The following MCU variants were observed in gnomAD, a reference collection of about 807,000 sequenced individuals.
MCU encodes the protein mitochondrial calcium uniporter.
Under a neutral mutation model 45.2 loss-of-function variants are expected in MCU, and 12 were observed. The ratio of observed to expected loss-of-function variants is 0.27; its 90% CI spans 0.17 to 0.43. The LOEUF (loss-of-function observed/expected upper bound fraction) is 0.43. MCU is among the 20% of genes least tolerant of loss of function. MCU has a pLI of 1.00. For missense variants in MCU, 324 were observed against 436.7 expected (o/e 0.74, Z 2.30); for synonymous variants, 160 against 165.1 (o/e 0.97, Z 0.24).
intron 2 of MCU, among the ~76,000 whole-genome samples, chr10:72,851,141 A>G (rs1366822053): frequency 6.6e-6 from 1 of 152,204 alleles, no homozygotes; most frequent in Non-Finnish European, 1.5e-5. Context: ...TCTGAATTGC[A>G]TTATTCCTTG....
intron 1 of MCU, among the ~76,000 whole-genome samples, chr10:72,811,373 A>G (rs1316027981): frequency 6.6e-6 from 1 of 152,206 alleles, no homozygotes; most frequent in African/African-American, 2.4e-5. Context: ...GTGAGTTGAC[A>G]TTTTTATGAC....
chr10:72,788,693 T>C (rs1448522217), intron 1 of MCU, among the ~76,000 whole-genome samples: 1 of 152,236 alleles, frequency 6.6e-6, no homozygotes, highest in African/African-American at 2.4e-5. Context: ...TCGTGCTTTC[T>C]ATTTGGAAAT....
chr10:72,849,023 G>A (rs986086165), intron 2 of MCU, among the ~76,000 whole-genome samples: 7 of 152,084 alleles, frequency 4.6e-5, no homozygotes, highest in African/African-American at 1.7e-4. Context: ...GCTCACACCT[G>A]TAATCCCAGC....
intron 2 of MCU, among the ~76,000 whole-genome samples, chr10:72,855,012 C>T (rs937025283): frequency 1.9e-4 from 29 of 151,998 alleles, no homozygotes; most frequent in South Asian, 2.1e-4. Flanking sequence ...GAGGCCAAGG[C>T]GGGCGGATCA....
intron 1 of MCU, chr10:72,693,098 G>T (rs1407299242): frequency 6.5e-7 from 1 of 1,534,482 alleles, no homozygotes; most frequent in South Asian, 1.2e-5. Context: ...AGATTTGGTG[G>T]TTGTATTAAC....
At chr10:72,775,449 A>AT (rs1843876957) in intron 1 of MCU, among the ~76,000 whole-genome samples, 2 of 152,170 alleles carry the variant, frequency 1.3e-5, no homozygotes, top group African/African-American at 4.8e-5. Flanking sequence ...GAAAATTAGA[A>AT]TTTAAGTAAA....
At position 72,725,991 on chromosome 10, in the gene MCU, T is replaced by G. The variant is rs80261821; in HGVS notation, c.150+33690T>G. ...GCCTGATTCTCTCTCCTTCCCATTT[T>G]GCTCCAAGATAACCATGTCGTATAT... is the stretch of plus-strand genomic sequence containing the variant. On this transcript the variant is annotated intron_variant, in intron 1 of 7. Transcript: ENST00000373053. 4.4e-3 allele frequency among the ~76,000 whole-genome samples: 666 copies of G among 152,348 alleles called. 3 individuals are homozygous for G. Among genetic ancestry groups the G allele is most frequent in the African/African-American group, 0.015 (636 of 41,566 alleles).
intron 6 of MCU, among the ~76,000 whole-genome samples, chr10:72,878,111 CTTT>C (rs10715401): frequency 4.4e-3 from 342 of 77,926 alleles, no homozygotes; most frequent in African/African-American, 0.019. Flanking sequence ...AATAATTTTG[CTTT>C]TTTTTTTTTT....
intron 6 of MCU, among the ~76,000 whole-genome samples, chr10:72,879,761 A>G (rs1439090226): frequency 6.6e-5 from 10 of 152,168 alleles, no homozygotes; most frequent in Admixed American, 6.5e-4. Flanking sequence ...AAATGCAACA[A>G]CAGGCCGGGC....
At chr10:72,789,876 T>G (rs1285428797) in intron 1 of MCU, among the ~76,000 whole-genome samples, 1 of 152,194 alleles carries the variant, frequency 6.6e-6, no homozygotes, top group Non-Finnish European at 1.5e-5. Flanking sequence ...CATTTCAGAC[T>G]TCAAGCCATT....
intron 1 of MCU, among the ~76,000 whole-genome samples, chr10:72,799,760 A>T (rs1372247383): frequency 1.3e-5 from 2 of 152,188 alleles, no homozygotes; most frequent in African/African-American, 4.8e-5. Context: ...AAATGTCATT[A>T]TTATTAAGAT....
chr10:72,790,582 G>A (rs1844143841), intron 1 of MCU, among the ~76,000 whole-genome samples: 1 of 152,126 alleles, frequency 6.6e-6, no homozygotes, highest in African/African-American at 2.4e-5. Context: ...TGGAGATGAT[G>A]ATATAAAAGG....
At chr10:72,694,273 G>A (rs567552060) in intron 1 of MCU, among the ~76,000 whole-genome samples, 1 of 152,200 alleles carries the variant, frequency 6.6e-6, no homozygotes, top group East Asian at 1.9e-4. Context: ...GTTTCCATAG[G>A]ATAGTCTGTG....
chr10:72,880,624 T>G (rs1428097970), intron 6 of MCU, among the ~76,000 whole-genome samples: 1 of 152,180 alleles, frequency 6.6e-6, no homozygotes, highest in Non-Finnish European at 1.5e-5. Context: ...GGGAAGAGAT[T>G]TGAATAGACT....
At chr10:72,693,002 A>G (rs1422797463) in intron 1 of MCU, 11 of 1,536,172 alleles carry the variant, frequency 7.2e-6, no homozygotes, top group Non-Finnish European at 9.6e-6. Context: ...GGGCTACTGT[A>G]TAAGCGTGTT....
chr10:72,805,642 C>T (rs982194940), intron 1 of MCU, among the ~76,000 whole-genome samples: 4 of 151,908 alleles, frequency 2.6e-5, no homozygotes, highest in Non-Finnish European at 4.4e-5. Context: ...TTTTTTTCCC[C>T]CTTGCCATTT....
chr10:72,824,544 CTAAG>C (rs1172965929), intron 1 of MCU, among the ~76,000 whole-genome samples: 2 of 152,022 alleles, frequency 1.3e-5, no homozygotes, highest in African/African-American at 4.8e-5. Flanking sequence ...AGGTTTCTAA[CTAAG>C]TAAGACAGTT....
At chr10:72,835,264 T>C (rs2132836002) in intron 2 of MCU, among the ~76,000 whole-genome samples, 1 of 152,328 alleles carries the variant, frequency 6.6e-6, no homozygotes, top group East Asian at 1.9e-4. Flanking sequence ...TCCAAACCTT[T>C]GTTGTTTTTA....
At chr10:72,858,413 C>T (rs1211674423) in intron 2 of MCU, among the ~76,000 whole-genome samples, 1 of 152,024 alleles carries the variant, frequency 6.6e-6, no homozygotes, top group African/African-American at 2.4e-5. Flanking sequence ...ACTCCACGGT[C>T]GGTGGCCTCT....
Sources: allele counts gnomAD v4.1 joint callset (sites outside exome capture counted in the v4.1 genomes callset), GRCh38; gene constraint gnomAD v4.1.1; transcripts MANE v1.5; gene names NCBI Gene and HGNC (gene_info 2026-07-23, HGNC 2026-07-21).